Variants in GNAL observed in about 807,000 individuals in gnomAD.
GNAL encodes the protein guanine nucleotide-binding protein G(olf) subunit alpha.
A neutral mutation model predicts 55.1 loss-of-function variants in GNAL; 18 were observed. The ratio of observed to expected loss-of-function variants is 0.33; its 90% CI spans 0.23 to 0.48. The LOEUF (loss-of-function observed/expected upper bound fraction) is 0.48, where lower values mean the gene tolerates loss of function less well. Ranked by LOEUF, GNAL falls within the 20% of genes least tolerant of loss-of-function variation. The pLI, the probability that GNAL is intolerant of heterozygous loss-of-function variation, is 0.99. For missense variants in GNAL, 412 were observed against 614.1 expected, an observed-to-expected ratio of 0.67 and a Z score of 3.48; for synonymous variants, 253 against 237.0, an observed-to-expected ratio of 1.07 and a Z score of -0.62.
intron 1 of GNAL, among the ~76,000 whole-genome samples, chr18:11,733,277 T>A (rs2032383458): frequency 6.6e-6 from 1 of 152,196 alleles, no homozygotes. Flanking sequence ...CTGTCATGTG[T>A]GAAGCTCCTG....
chr18:11,747,928 C>T (rs188827286), intron 1 of GNAL, among the ~76,000 whole-genome samples: 10 of 152,198 alleles, frequency 6.6e-5, no homozygotes, highest in Non-Finnish European at 1.5e-4. Flanking sequence ...CCGGGGAGCG[C>T]AATGCTGCTG....
intron 4 of GNAL, among the ~76,000 whole-genome samples, chr18:11,822,868 T>C (rs2035142385): frequency 1.3e-5 from 2 of 151,744 alleles, no homozygotes; most frequent in South Asian, 4.2e-4. Flanking sequence ...TACTCCAGTC[T>C]TGGTCGTTTT....
intron 5 of GNAL, among the ~76,000 whole-genome samples, chr18:11,826,019 TAGAAG>T (rs1354735739): frequency 1.3e-5 from 2 of 152,286 alleles, no homozygotes; most frequent in Admixed American, 6.5e-5. Context: ...TTCATATACA[TAGAAG>T]AGATTCCATA....
At chr18:11,830,723 C>G (rs1192867009) in intron 5 of GNAL, among the ~76,000 whole-genome samples, 2 of 151,996 alleles carry the variant, frequency 1.3e-5, no homozygotes, top group Non-Finnish European at 2.9e-5. Flanking sequence ...TGAAAACAAC[C>G]GAAATGTTCA....
At chr18:11,857,555 A>C in intron 5 of GNAL, 1 of 985,468 alleles carries the variant, frequency 1.0e-6, no homozygotes, top group Non-Finnish European at 1.2e-6. Context: ...ATGATGGTTC[A>C]GGCAGAGATT....
At position 11,860,955 on chromosome 18, in the gene GNAL, G is replaced by C. The variant is rs2036118607; in HGVS notation, c.723-1440G>C. On this transcript the variant is annotated intron_variant, in intron 5 of 11. Coordinates refer to ENST00000334049, the MANE Select transcript of GNAL (RefSeq NM_182978.4). ...CATGCTGAAGGGCTCATTGTGGGGT[G>C]GCGTTTTGTGTTCTGAACCGTTTCG... 5.3e-5 allele frequency among the ~76,000 whole-genome samples: 8 copies of C among 152,200 alleles called. 1 individual carries two copies. Among genetic ancestry groups the C allele is most frequent in the Admixed American group, 5.2e-4 (8 of 15,284 alleles).
chr18:11,822,204 G>A (rs2035114288), intron 4 of GNAL, among the ~76,000 whole-genome samples: 1 of 152,118 alleles, frequency 6.6e-6, no homozygotes, highest in Non-Finnish European at 1.5e-5. Flanking sequence ...GGCGTGGTGG[G>A]CGCGCCTGTG....
intron 4 of GNAL, among the ~76,000 whole-genome samples, chr18:11,822,220 AC>A (rs1327652591): frequency 8.6e-5 from 13 of 152,024 alleles, no homozygotes; most frequent in Non-Finnish European, 1.3e-4. Flanking sequence ...CTGTGGAATC[AC>A]TTGAGCCTGG....
intron 4 of GNAL, among the ~76,000 whole-genome samples, chr18:11,817,972 A>G (rs62097370): frequency 6.6e-6 from 1 of 151,160 alleles, no homozygotes; most frequent in Non-Finnish European, 1.5e-5. Flanking sequence ...ACTATGCCTC[A>G]TGCCTGTAAT....
At chr18:11,722,687 CA>C (rs2032122956) in intron 1 of GNAL, among the ~76,000 whole-genome samples, 1 of 151,996 alleles carries the variant, frequency 6.6e-6, no homozygotes, top group African/African-American at 2.4e-5. Context: ...CCAGCCTACC[CA>C]ACATGATGAA....
intron 5 of GNAL, among the ~76,000 whole-genome samples, chr18:11,860,158 G>A (rs192445134): frequency 4.2e-4 from 64 of 152,292 alleles, no homozygotes; most frequent in African/African-American, 1.4e-3. Context: ...TGAGGTCACA[G>A]TTGCCCCCAC....
intron 1 of GNAL, among the ~76,000 whole-genome samples, chr18:11,749,206 C>T (rs192992555): frequency 2.1e-4 from 32 of 151,570 alleles, no homozygotes; most frequent in African/African-American, 7.3e-4. Context: ...GATATTGCCA[C>T]GTGTGAATAT....
intron 1 of GNAL, among the ~76,000 whole-genome samples, chr18:11,745,219 G>A (rs904251771): frequency 2.0e-5 from 3 of 152,222 alleles, no homozygotes; most frequent in African/African-American, 2.4e-5. Flanking sequence ...TTGGCCTGTC[G>A]TGAACTGAAA....
intron 1 of GNAL, among the ~76,000 whole-genome samples, chr18:11,750,494 A>AC (rs1262353497): frequency 6.6e-6 from 1 of 151,812 alleles, no homozygotes; most frequent in Non-Finnish European, 1.5e-5. Context: ...GGCTCCTCGG[A>AC]CCCCTGGGTG....
rs571613953 is a variant in GNAL at position 11,825,286 on chromosome 18, A to G, written c.722+271A>G. Among the ~76,000 whole-genome samples, 364 of 152,248 alleles carry G rather than the reference A, an allele frequency of 2.4e-3. 2 individuals are homozygous for G. The highest frequency in any genetic ancestry group is 4.6e-3 in the African/African-American group (190 of 41,542). ...CATTTTTTGACTTTTACATAGAGCT[A>G]TATGCATATTGGTAAGTTAAAGTGA... is the stretch of plus-strand genomic sequence containing the variant. On this transcript the variant is annotated intron_variant, in intron 5 of 11. Transcript: ENST00000334049.
intron 1 of GNAL, among the ~76,000 whole-genome samples, chr18:11,721,852 C>T (rs1028970057): frequency 2.0e-5 from 3 of 151,522 alleles, no homozygotes; most frequent in African/African-American, 7.3e-5. Flanking sequence ...TGCCATTGCA[C>T]TCCAGCCTGG....
intron 1 of GNAL, among the ~76,000 whole-genome samples, chr18:11,690,614 C>A (rs1277801289): frequency 6.0e-5 from 7 of 116,736 alleles, no homozygotes; most frequent in Non-Finnish European, 1.2e-4. Flanking sequence ...CCCCCCTCCC[C>A]CCACCCCACA....
chr18:11,864,958 G>C (rs1458515840), intron 7 of GNAL, among the ~76,000 whole-genome samples: 2 of 152,042 alleles, frequency 1.3e-5, no homozygotes, highest in Non-Finnish European at 2.9e-5. Flanking sequence ...CCATCTCTTG[G>C]GTTGCCCAAC....
intron 2 of GNAL, among the ~76,000 whole-genome samples, chr18:11,753,196 A>C (rs148727895): frequency 1.3e-5 from 2 of 148,892 alleles, no homozygotes; most frequent in African/African-American, 5.1e-5. Context: ...CTCTGAGCAC[A>C]CTTAACCAAT....
Sources: gnomAD v4.1 joint callset for allele counts (sites outside exome capture counted in the v4.1 genomes callset) on GRCh38, gnomAD v4.1.1 for gene constraint, MANE v1.5 for transcripts, NCBI Gene and HGNC (gene_info 2026-07-23, HGNC 2026-07-21) for gene names.